ARMC2: variants seen among roughly 807,000 people sequenced by gnomAD.
The protein encoded by ARMC2 is armadillo repeat containing 2.
Under a neutral mutation model 90.3 loss-of-function variants are expected in ARMC2, and 67 were observed. The observed-to-expected ratio is 0.74, with a 90% CI of 0.61 to 0.91. The LOEUF (loss-of-function observed/expected upper bound fraction) is 0.91. Ranked by LOEUF, ARMC2 falls within the 40% of genes least tolerant of loss-of-function variation. The probability of loss-of-function intolerance (pLI) is 0.00; values close to 1 mark genes in which losing one functional copy is unlikely to be tolerated. For missense variants in ARMC2, 920 were observed against 1,030.9 expected (o/e 0.89, Z 1.47); for synonymous variants, 393 against 393.0 (o/e 1.00, Z 0.00).
At chr6:108,907,499 G>C in intron 8 of ARMC2, 1 of 574,768 alleles carries the variant, frequency 1.7e-6, no homozygotes, top group Non-Finnish European at 2.6e-6. Flanking sequence ...TTTATTTGGA[G>C]GTTAATTGCC....
intron 6 of ARMC2, among the ~76,000 whole-genome samples, chr6:108,897,146 C>A (rs1162262341): frequency 6.6e-6 from 1 of 152,152 alleles, no homozygotes; most frequent in Non-Finnish European, 1.5e-5. Context: ...ATCTGTAGTT[C>A]CAGAATCCCT....
At chr6:108,895,310 T>A (rs1026584892) in intron 6 of ARMC2, among the ~76,000 whole-genome samples, 79 of 148,698 alleles carry the variant, frequency 5.3e-4, no homozygotes, top group Admixed American at 1.5e-3. Context: ...CAAAAAAAAA[T>A]AATAATAATA....
chr6:108,936,981 C>T lies in ARMC2; in HGVS notation c.1578C>T (p.Asn526=). 3 of 1,596,292 alleles carry T rather than the reference C, an allele frequency of 1.9e-6. No homozygotes were observed. The highest frequency in any genetic ancestry group is 2.6e-6 in the Non-Finnish European group (3 of 1,170,464). ...ATGCCTTATTTCTGAATCTAATTAA[C>T]AAATACCAGAAGAAGCAGGTCAGTT... The part of the protein sequence containing the change: ...RCYALFLNLI[N]KYQKKQDLVV... The change falls in exon 12 of 18, where the codon AAC becomes AAT. Residue 526 remains asparagine (N), a synonymous_variant. Transcript: ENST00000392644.
the ARMC2 span, among the ~76,000 whole-genome samples, chr6:109,019,948 A>C: frequency 6.6e-6 from 1 of 152,248 alleles, no homozygotes; most frequent in East Asian, 1.9e-4. Context: ...TTTATACATA[A>C]GTGGGTTTTA....
At chr6:108,961,833 T>C (rs1478527145) in intron 14 of ARMC2, 139 bp downstream of exon 14, 1 of 1,194,236 alleles carries the variant, frequency 8.4e-7, no homozygotes, top group Non-Finnish European at 1.2e-6. Flanking sequence ...TTCTAAGAAA[T>C]TAGAATATGG....
the ARMC2 span, chr6:109,009,616 A>G: frequency 1.0e-6 from 1 of 1,001,922 alleles, no homozygotes; most frequent in Non-Finnish European, 1.2e-6. Context: ...CCGTCATTTC[A>G]CCGCCCTGGC....
At chr6:109,029,597 C>T in the ARMC2 span, among the ~76,000 whole-genome samples, 3 of 152,118 alleles carry the variant, frequency 2.0e-5, no homozygotes, top group African/African-American at 7.2e-5. Context: ...AGTGCAGTGG[C>T]ACAATCATAT....
the ARMC2 span, among the ~76,000 whole-genome samples, chr6:109,010,034 T>C: frequency 6.6e-6 from 1 of 152,168 alleles, no homozygotes; most frequent in Non-Finnish European, 1.5e-5. Context: ...ATGCAGGACT[T>C]TGGCCTATAA....
At chr6:108,851,524 G>T (rs1423112634) in intron 1 of ARMC2, among the ~76,000 whole-genome samples, 1 of 152,042 alleles carries the variant, frequency 6.6e-6, no homozygotes, top group African/African-American at 2.4e-5. Context: ...GTGTGAATGG[G>T]TTAATAGTTG....
intron 12 of ARMC2, among the ~76,000 whole-genome samples, chr6:108,945,854 G>A (rs371472863): frequency 4.5e-4 from 68 of 152,280 alleles, no homozygotes; most frequent in African/African-American, 1.6e-3. Context: ...ATCCTCTTTG[G>A]GCCATCAAGG....
At chr6:108,871,269 A>G (rs749533592) in intron 4 of ARMC2, among the ~76,000 whole-genome samples, 1 of 152,134 alleles carries the variant, frequency 6.6e-6, no homozygotes, top group Non-Finnish European at 1.5e-5. Context: ...TTTTACTTGT[A>G]GTGAAAAGAT....
the ARMC2 span, among the ~76,000 whole-genome samples, chr6:109,045,368 G>A: frequency 6.6e-6 from 1 of 152,224 alleles, no homozygotes; most frequent in African/African-American, 2.4e-5. Context: ...CACTGGAGAA[G>A]TCTTTCCAAA....
the ARMC2 span, among the ~76,000 whole-genome samples, chr6:109,022,760 C>T: frequency 1.3e-5 from 2 of 151,960 alleles, no homozygotes; most frequent in Admixed American, 1.3e-4. Flanking sequence ...TATCATAACA[C>T]CTTAGGTACA....
At chr6:108,912,723 C>G (rs867948698) in intron 10 of ARMC2, among the ~76,000 whole-genome samples, 165 bp downstream of exon 10, 6 of 152,316 alleles carry the variant, frequency 3.9e-5, no homozygotes, top group African/African-American at 1.4e-4. Flanking sequence ...GGGCCTGGTG[C>G]CTGTTGTCCT....
At chr6:108,893,387 A>C (rs776635451) in intron 5 of ARMC2, among the ~76,000 whole-genome samples, 34 of 152,328 alleles carry the variant, frequency 2.2e-4, no homozygotes, top group Admixed American at 1.8e-3. Context: ...TATGAGACCT[A>C]AGTTCCAAAT....
At chr6:108,881,171 C>A (rs1016002475) in intron 5 of ARMC2, among the ~76,000 whole-genome samples, 38 of 148,002 alleles carry the variant, frequency 2.6e-4, no homozygotes, top group Non-Finnish European at 3.8e-4. Context: ...TTTTCTTTTT[C>A]TTTTTTTTTT....
chr6:108,907,586 G>A (rs889083081), intron 8 of ARMC2: 1 of 1,531,566 alleles, frequency 6.5e-7, no homozygotes, highest in Non-Finnish European at 9.0e-7. Flanking sequence ...TCGTGGGGTG[G>A]GGGGGTGCAG....
the ARMC2 span, among the ~76,000 whole-genome samples, chr6:109,019,887 G>A: frequency 2.0e-5 from 3 of 152,160 alleles, no homozygotes; most frequent in African/African-American, 4.8e-5. Context: ...TTAGTTTGTA[G>A]ATCATAAATA....
At chr6:108,957,575 G>A (rs189678241) in intron 13 of ARMC2, among the ~76,000 whole-genome samples, 1 of 152,264 alleles carries the variant, frequency 6.6e-6, no homozygotes, top group Admixed American at 6.5e-5. Context: ...GATGGCTCCT[G>A]TGGCATGGCC....
Sources: allele counts gnomAD v4.1 joint callset (sites outside exome capture counted in the v4.1 genomes callset), GRCh38; gene constraint gnomAD v4.1.1; transcripts MANE v1.5; gene names NCBI Gene and HGNC (gene_info 2026-07-23, HGNC 2026-07-21).